ITGA1: variants seen among roughly 807,000 people sequenced by gnomAD.
The protein encoded by ITGA1 is integrin alpha-1.
A neutral mutation model predicts 145.9 loss-of-function variants in ITGA1; 85 were observed. That is an observed-to-expected ratio of 0.58 (90% CI 0.49 to 0.70). The LOEUF (loss-of-function observed/expected upper bound fraction) is 0.70. Ranked by LOEUF, ITGA1 falls within the 30% of genes least tolerant of loss-of-function variation. The pLI, the probability that ITGA1 is intolerant of heterozygous loss-of-function variation, is 0.00. For missense variants in ITGA1, 1,351 were observed against 1,418.7 expected, an observed-to-expected ratio of 0.95 and a Z score of 0.77; for synonymous variants, 520 against 495.3, an observed-to-expected ratio of 1.05 and a Z score of -0.66.
chr5:52,899,974 C>T lies in ITGA1; in HGVS notation c.1309+1591C>T, dbSNP rs914706185. 2.4e-4 allele frequency among the ~76,000 whole-genome samples: 36 copies of T among 152,104 alleles called. 1 individual carries two copies. The highest frequency in any genetic ancestry group is 1.3e-4 in the Admixed American group (2 of 15,264). On this transcript the variant is annotated intron_variant, in intron 11 of 28. Coordinates refer to ENST00000282588, the MANE Select transcript of ITGA1 (RefSeq NM_181501.2). The stretch of plus-strand genomic sequence containing the variant: ...ACTGATTCTGGGTTGATTAAGAAAG[C>T]ACTGCACAAATATTGAGTACCAGCA...
At chr5:52,908,102 T>G (rs1750439718) in intron 12 of ITGA1, among the ~76,000 whole-genome samples, 1 of 151,974 alleles carries the variant, frequency 6.6e-6, no homozygotes, top group African/African-American at 2.4e-5. Context: ...AGGCCAAAAT[T>G]CAGAAAATGA....
At chr5:52,858,063 C>T (rs547093699) in intron 2 of ITGA1, among the ~76,000 whole-genome samples, 1 of 152,178 alleles carries the variant, frequency 6.6e-6, no homozygotes, top group Non-Finnish European at 1.5e-5. Flanking sequence ...CTCTGTACTT[C>T]CTGAATCCAA....
chr5:52,944,162 C>T lies in ITGA1; in HGVS notation c.3286-781C>T, dbSNP rs10061589. On this transcript the variant is annotated intron_variant, in intron 26 of 28. Transcript: ENST00000282588. ...GAGGGGATGGGCACCTATGTCTGTGCTCTGCTCACAAAAGCTCCTGGGCTC... is the reference window on the plus strand; with the variant it reads ...GAGGGGATGGGCACCTATGTCTGTGTTCTGCTCACAAAAGCTCCTGGGCTC... Among the ~76,000 whole-genome samples the T allele has an allele frequency of 7.0e-3, 1,066 of 152,250 alleles. 9 individuals are homozygous for T. Among genetic ancestry groups the T allele is most frequent in the African/African-American group, 0.024 (1,014 of 41,554 alleles).
intron 1 of ITGA1, 80 bp downstream of exon 1, chr5:52,788,494 TG>T (rs1748172152): frequency 8.4e-7 from 1 of 1,196,128 alleles, no homozygotes; most frequent in Non-Finnish European, 1.1e-6. Context: ...CTCAGAGCCA[TG>T]GGCCAGATAG....
intron 10 of ITGA1, among the ~76,000 whole-genome samples, chr5:52,897,932 G>T (rs1368640527): frequency 1.3e-5 from 2 of 152,136 alleles, no homozygotes; most frequent in Non-Finnish European, 2.9e-5. Context: ...AGAAAGACAA[G>T]ATTAGAAAAT....
intron 20 of ITGA1, among the ~76,000 whole-genome samples, chr5:52,927,918 G>A (rs1750836147): frequency 3.3e-5 from 5 of 152,098 alleles, no homozygotes; most frequent in Admixed American, 2.0e-4. Context: ...TCCAGAGGGT[G>A]GAGCCCCCAT....
intron 1 of ITGA1, among the ~76,000 whole-genome samples, chr5:52,840,895 C>A (rs985296845): frequency 5.3e-5 from 8 of 152,170 alleles, no homozygotes; most frequent in Non-Finnish European, 1.5e-5. Flanking sequence ...GTATCAAGAA[C>A]TATACTTCCT....
chr5:52,912,709 ATAGT>A (rs1476909015), intron 14 of ITGA1, among the ~76,000 whole-genome samples: 1 of 96,704 alleles, frequency 1.0e-5, no homozygotes, highest in Non-Finnish European at 2.1e-5. Flanking sequence ...CACTATATAT[ATAGT>A]GTGTGTGTGT....
intron 1 of ITGA1, among the ~76,000 whole-genome samples, chr5:52,820,435 A>T (rs1367696975): frequency 6.7e-6 from 1 of 149,824 alleles, no homozygotes. Context: ...TGACGAGTTA[A>T]TGGGTGCAGC....
chr5:52,886,642 A>T (rs777912875), intron 7 of ITGA1, among the ~76,000 whole-genome samples: 2 of 152,232 alleles, frequency 1.3e-5, no homozygotes, highest in Non-Finnish European at 2.9e-5. Flanking sequence ...GTTTGAGTAA[A>T]AGGAAATAAA....
chr5:52,927,401 A>T (rs1430227976), intron 19 of ITGA1, among the ~76,000 whole-genome samples, 183 bp from the exon 20 acceptor site: 1 of 152,210 alleles, frequency 6.6e-6, no homozygotes, highest in African/African-American at 2.4e-5. Flanking sequence ...CCCACAAGTG[A>T]TGTTTTAGGA....
chr5:52,940,575 A>AT (rs905370063), intron 26 of ITGA1, among the ~76,000 whole-genome samples: 11 of 150,884 alleles, frequency 7.3e-5, no homozygotes, highest in African/African-American at 2.2e-4. Context: ...CGCCCGGCTA[A>AT]TTTTTTTTTG....
At chr5:52,847,671 G>A (rs1052490631) in intron 1 of ITGA1, among the ~76,000 whole-genome samples, 3 of 152,164 alleles carry the variant, frequency 2.0e-5, no homozygotes, top group African/African-American at 7.2e-5. Flanking sequence ...CCCTGCCTCA[G>A]CCTCCCGATT....
At chr5:52,843,483 A>G (rs992346758) in intron 1 of ITGA1, among the ~76,000 whole-genome samples, 1 of 152,188 alleles carries the variant, frequency 6.6e-6, no homozygotes, top group East Asian at 1.9e-4. Flanking sequence ...CCTAGTCCAA[A>G]GACAGAATTT....
chr5:52,890,187 C>G (rs532349087), intron 8 of ITGA1, among the ~76,000 whole-genome samples: 1 of 152,174 alleles, frequency 6.6e-6, no homozygotes, highest in Non-Finnish European at 1.5e-5. Context: ...GGGTAACCAT[C>G]AGTCCACTTT....
At chr5:52,938,948 G>A (rs569797327) in intron 24 of ITGA1, among the ~76,000 whole-genome samples, 1 of 152,106 alleles carries the variant, frequency 6.6e-6, no homozygotes, top group African/African-American at 2.4e-5. Flanking sequence ...TGTCACCCAG[G>A]CTGGAGTGCA....
chr5:52,802,552 T>A (rs1748510936), intron 1 of ITGA1: 1 of 152,194 alleles, frequency 6.6e-6, no homozygotes, highest in Non-Finnish European at 1.5e-5. Flanking sequence ...GTCAAAATAA[T>A]CTCCTTGAGG....
In ITGA1 at chr5:52,905,910, T is replaced by G. The variant is rs1201226764; in HGVS notation, c.1455+2T>G. ...CTCCAGACGCTCAGTGGAGAACAGG[T>G]AAACTTGAAAAATATTCTTTTATTT... On this transcript the variant is annotated splice_donor_variant, in intron 12 of 28. Coordinates refer to ENST00000282588, the MANE Select transcript of ITGA1 (RefSeq NM_181501.2). LOFTEE classifies it high-confidence loss of function. The G allele has an allele frequency of 6.2e-7, 1 of 1,608,354 alleles. No homozygotes were observed. Among genetic ancestry groups the G allele is most frequent in the Non-Finnish European group, 8.5e-7 (1 of 1,176,784 alleles).
At chr5:52,866,100 C>T (rs534482278) in intron 6 of ITGA1, among the ~76,000 whole-genome samples, 26 of 152,060 alleles carry the variant, frequency 1.7e-4, no homozygotes, top group Non-Finnish European at 3.1e-4. Flanking sequence ...CTGCAACCTT[C>T]ACCTCCCAGG....
Sources: gnomAD v4.1 joint callset for allele counts (sites outside exome capture counted in the v4.1 genomes callset) on GRCh38, gnomAD v4.1.1 for gene constraint, MANE v1.5 for transcripts, NCBI Gene and HGNC (gene_info 2026-07-23, HGNC 2026-07-21) for gene names.